Variants in SHISA9 observed in about 807,000 individuals in gnomAD.
The protein encoded by SHISA9 is protein shisa-9.
A neutral mutation model predicts 38.0 loss-of-function variants in SHISA9; 13 were observed. The observed-to-expected ratio is 0.34, with a 90% confidence interval of 0.22 to 0.54. The LOEUF is 0.54. Ranked by LOEUF, SHISA9 falls within the 20% of genes least tolerant of loss-of-function variation. SHISA9 has a pLI of 0.91. For missense variants in SHISA9, 538 were observed against 575.8 expected (o/e 0.93, Z 0.67); for synonymous variants, 275 against 242.0 (o/e 1.14, Z -1.27).
chr16:13,191,977 T>G (rs2050889836), intron 2 of SHISA9, among the ~76,000 whole-genome samples: 2 of 152,172 alleles, frequency 1.3e-5, no homozygotes, highest in Non-Finnish European at 2.9e-5. Flanking sequence ...ACTGTTGATG[T>G]GCTCATCAAC....
At chr16:13,341,563 C>A in the SHISA9 span, among the ~76,000 whole-genome samples, 1 of 152,168 alleles carries the variant, frequency 6.6e-6, no homozygotes, top group African/African-American at 2.4e-5. Flanking sequence ...TTTATACCTG[C>A]TGTTATTTCT....
the SHISA9 span, among the ~76,000 whole-genome samples, chr16:13,456,154 T>C: frequency 6.6e-6 from 1 of 152,242 alleles, no homozygotes; most frequent in African/African-American, 2.4e-5. Flanking sequence ...TAGTGACTCC[T>C]CTTTGCCAAT....
At chr16:13,439,494 T>G in the SHISA9 span, among the ~76,000 whole-genome samples, 1 of 152,312 alleles carries the variant, frequency 6.6e-6, no homozygotes, top group Admixed American at 6.5e-5. Context: ...TATACAATTT[T>G]TGTTTGTCTA....
intron 2 of SHISA9, among the ~76,000 whole-genome samples, chr16:13,187,133 T>G (rs2050832370): frequency 6.6e-6 from 1 of 152,146 alleles, no homozygotes; most frequent in South Asian, 2.1e-4. Context: ...CCATTCCATG[T>G]GCCCTAGCAG....
intron 2 of SHISA9, among the ~76,000 whole-genome samples, chr16:13,180,277 T>C (rs1225197733): frequency 6.6e-6 from 1 of 152,232 alleles, no homozygotes; most frequent in African/African-American, 2.4e-5. Flanking sequence ...TGTTGAGAGA[T>C]ATTTGCTGTG....
At chr16:13,143,389 C>G (rs191488594) in intron 2 of SHISA9, among the ~76,000 whole-genome samples, 1 of 152,100 alleles carries the variant, frequency 6.6e-6, no homozygotes, top group South Asian at 2.1e-4. Context: ...TGAATATATC[C>G]CCGTACCTAT....
the SHISA9 span, among the ~76,000 whole-genome samples, chr16:13,382,240 T>C: frequency 6.6e-6 from 1 of 152,128 alleles, no homozygotes; most frequent in Non-Finnish European, 1.5e-5. Context: ...TAAGAATATT[T>C]ATTATGACTG....
chr16:13,131,032 A>G (rs1249369440), intron 2 of SHISA9, among the ~76,000 whole-genome samples: 1 of 152,198 alleles, frequency 6.6e-6, no homozygotes, highest in Non-Finnish European at 1.5e-5. Context: ...AATTAGTTCA[A>G]CCATTGTGGA....
rs550113202 is a variant in SHISA9, at chr16:13,195,062, T to A, written c.692-8332T>A. ...TTGTAGATATGTGTGTATATACATA[T>A]ATTAGCATACATATCTAAATTCCCT... On this transcript the variant is annotated intron_variant, in intron 2 of 4. Transcript: ENST00000558583. Among the ~76,000 whole-genome samples, 756 of 152,354 alleles carry A rather than the reference T, an allele frequency of 5.0e-3. 4 individuals are homozygous for A. Among genetic ancestry groups the A allele is most frequent in the African/African-American group, 0.017 (706 of 41,582 alleles).
At chr16:13,538,208 C>G in the SHISA9 span, among the ~76,000 whole-genome samples, 6 of 152,230 alleles carry the variant, frequency 3.9e-5, no homozygotes, top group East Asian at 1.2e-3. Context: ...AAGCTGTCCC[C>G]TCTCATGATC....
At chr16:13,539,347 ATATATATATAT>A in the SHISA9 span, among the ~76,000 whole-genome samples, 3 of 35,412 alleles carry the variant, frequency 8.5e-5, no homozygotes, top group South Asian at 6.4e-3. Flanking sequence ...ATATATAAAG[ATATATATATAT>A]AAAGACAGGA....
chr16:13,493,856 A>G, the SHISA9 span, among the ~76,000 whole-genome samples: 3 of 152,192 alleles, frequency 2.0e-5, no homozygotes, highest in African/African-American at 4.8e-5. Context: ...GAGTGGATCA[A>G]TACATACATT....
chr16:13,174,584 A>G (rs1170383940), intron 2 of SHISA9, among the ~76,000 whole-genome samples: 1 of 152,256 alleles, frequency 6.6e-6, no homozygotes, highest in African/African-American at 2.4e-5. Flanking sequence ...AAGAATCTCC[A>G]GGACTGGACC....
chr16:13,065,029 G>A (rs1743459771), intron 2 of SHISA9, among the ~76,000 whole-genome samples: 1 of 152,152 alleles, frequency 6.6e-6, no homozygotes, highest in African/African-American at 2.4e-5. Context: ...CTCTTGGGAG[G>A]ATGGTGGGAA....
the SHISA9 span, among the ~76,000 whole-genome samples, chr16:13,420,336 G>A: frequency 6.7e-6 from 1 of 148,476 alleles, no homozygotes; most frequent in African/African-American, 2.5e-5. Flanking sequence ...TGCCAGTCAA[G>A]TGAAATCTAA....
chr16:12,946,285 G>A (rs2071687568), intron 2 of SHISA9, among the ~76,000 whole-genome samples: 1 of 152,140 alleles, frequency 6.6e-6, no homozygotes, highest in East Asian at 1.9e-4. Context: ...GATGCCTCCA[G>A]CTTTGTTCTT....
the SHISA9 span, among the ~76,000 whole-genome samples, chr16:13,434,384 C>G: frequency 6.7e-6 from 1 of 149,540 alleles, no homozygotes; most frequent in East Asian, 2.0e-4. Flanking sequence ...AATTGGCGCT[C>G]AATATTAACC....
chr16:13,446,485 C>G, the SHISA9 span, among the ~76,000 whole-genome samples: 2 of 152,108 alleles, frequency 1.3e-5, no homozygotes. Context: ...GCCAATAAAG[C>G]AGGGTCAGCA....
At chr16:12,998,352 G>A (rs984174114) in intron 2 of SHISA9, among the ~76,000 whole-genome samples, 1 of 152,178 alleles carries the variant, frequency 6.6e-6, no homozygotes, top group Non-Finnish European at 1.5e-5. Flanking sequence ...CTTTGAGGCA[G>A]GTGTTCTTGG....
Sources: allele counts gnomAD v4.1 joint callset (sites outside exome capture counted in the v4.1 genomes callset), GRCh38; gene constraint gnomAD v4.1.1; transcripts MANE v1.5; gene names NCBI Gene and HGNC (gene_info 2026-07-23, HGNC 2026-07-21).